The following RASA4B variants were observed in gnomAD, a reference collection of about 807,000 sequenced individuals.
The protein encoded by RASA4B is RAS p21 protein activator 4B.
RASA4B carries 2 observed loss-of-function variants against 24.2 expected under a neutral mutation model. The ratio of observed to expected loss-of-function variants is 0.08; its 90% confidence interval spans 0.03 to 0.26. The LOEUF (loss-of-function observed/expected upper bound fraction) is 0.26. Ranked by LOEUF, RASA4B falls within the 10% of genes least tolerant of loss-of-function variation. RASA4B has a pLI of 1.00. For synonymous variants in RASA4B, 2 were observed against 125.6 expected, an observed-to-expected ratio of 0.02 and a Z score of 6.58; for missense variants, 8 against 277.2, an observed-to-expected ratio of 0.03 and a Z score of 6.90.
At chr7:102,504,737 C>T (rs1289832755) in intron 5 of RASA4B, among the ~76,000 whole-genome samples, 9 of 138,824 alleles carry the variant, frequency 6.5e-5, no homozygotes, top group South Asian at 4.5e-4. Context: ...CAGTGGCTCA[C>T]GCCTGTAATC....
rs181364081 is a variant in RASA4B, at chr7:102,480,246, G to A, written c.*3346C>T. Among the ~76,000 whole-genome samples the A allele has an allele frequency of 1.4e-4, 22 of 152,292 alleles. No individual in the cohort carries two copies. The highest frequency in any genetic ancestry group is 4.3e-4 in the African/African-American group (18 of 41,582). Reference sequence around the variant, plus strand: ...GTCAAGGAAAAACACCCGCTACTTAGCAGACCAGGAAAGGGAGTGTACAGT... The same window carrying A: ...GTCAAGGAAAAACACCCGCTACTTAACAGACCAGGAAAGGGAGTGTACAGT... On this transcript the variant is annotated 3_prime_UTR_variant, in exon 21 of 21. Coordinates refer to ENST00000465829, the MANE Select transcript of RASA4B (RefSeq NM_001367767.2).
At chr7:102,513,049 G>A (rs1371603877) in intron 1 of RASA4B, among the ~76,000 whole-genome samples, 3 of 152,148 alleles carry the variant, frequency 2.0e-5, no homozygotes, top group South Asian at 4.2e-4. Flanking sequence ...CCCCAGGCAA[G>A]CTCCTGGGAC....
intron 18 of RASA4B, among the ~76,000 whole-genome samples, chr7:102,487,482 A>G (rs1798762966): frequency 4.8e-5 from 1 of 20,998 alleles, no homozygotes; most frequent in African/African-American, 8.5e-5. Context: ...GATGGCCAGC[A>G]TTGGAGTGTG....
intron 4 of RASA4B, among the ~76,000 whole-genome samples, chr7:102,507,392 A>ACAGAT (rs1799557716): frequency 1.4e-5 from 1 of 70,014 alleles, no homozygotes. Flanking sequence ...CCATCTTAAA[A>ACAGAT]CGGGAAGAGA....
At chr7:102,513,120 C>T (rs1799761527) in intron 1 of RASA4B, among the ~76,000 whole-genome samples, 1 of 149,636 alleles carries the variant, frequency 6.7e-6, no homozygotes, top group Non-Finnish European at 1.5e-5. Flanking sequence ...CTCCTGCTCT[C>T]CCCAACACTG....
intron 16 of RASA4B, among the ~76,000 whole-genome samples, chr7:102,491,711 G>A (rs1798952270): frequency 1.2e-5 from 1 of 81,252 alleles, no homozygotes; most frequent in Non-Finnish European, 3.2e-5. Context: ...AGGTTGCGGT[G>A]AGCCAAGATC....
Position 102,482,077 on chromosome 7 carries a change from C to T in RASA4B, c.*1515G>A, listed in dbSNP as rs1798618155. On this transcript the variant is annotated 3_prime_UTR_variant, in exon 21 of 21. Coordinates refer to ENST00000465829, the MANE Select transcript of RASA4B (RefSeq NM_001367767.2). ...AGGTTGGCTGAGCCAGGTCTGGGGG[C>T]CTCAGGGACTTCTGTGTCCTCATAA... 6.7e-6 allele frequency among the ~76,000 whole-genome samples: 1 copy of T among 150,304 alleles called. No individual in the cohort carries two copies. The highest frequency in any genetic ancestry group is 2.4e-5 in the African/African-American group (1 of 41,150).
intron 8 of RASA4B, among the ~76,000 whole-genome samples, chr7:102,498,182 C>T (rs1352207937): frequency 1.6e-3 from 224 of 139,700 alleles, no homozygotes; most frequent in African/African-American, 5.3e-3. Flanking sequence ...TACAGGCATG[C>T]GCCACCATAC....
chr7:102,497,182 C>G (rs1162538056), intron 8 of RASA4B, among the ~76,000 whole-genome samples: 2 of 150,438 alleles, frequency 1.3e-5, no homozygotes, highest in Non-Finnish European at 3.0e-5. Context: ...CTCAAGGCAC[C>G]TCTATCTGTC....
At chr7:102,489,882 G>C (rs1279331357) in intron 17 of RASA4B, among the ~76,000 whole-genome samples, 41 of 122,624 alleles carry the variant, frequency 3.3e-4, no homozygotes, top group African/African-American at 1.2e-3. Context: ...CCAACTCCTG[G>C]GTTCAGGCTA....
At chr7:102,497,853 C>T (rs1330569432) in intron 8 of RASA4B, among the ~76,000 whole-genome samples, 2 of 90,672 alleles carry the variant, frequency 2.2e-5, no homozygotes, top group Non-Finnish European at 4.6e-5. Flanking sequence ...TATGGAAACA[C>T]CTTGTGCTGG....
At chr7:102,498,541 G>A (rs1429611653) in intron 8 of RASA4B, among the ~76,000 whole-genome samples, 1 of 144,298 alleles carries the variant, frequency 6.9e-6, no homozygotes, top group African/African-American at 2.5e-5. Flanking sequence ...TTACAGGCAT[G>A]AGCCACCGCA....
At chr7:102,498,591 C>T (rs1215336478) in intron 8 of RASA4B, among the ~76,000 whole-genome samples, 22 of 141,794 alleles carry the variant, frequency 1.6e-4, no homozygotes, top group African/African-American at 3.1e-4. Context: ...CTCTTGTCAC[C>T]GAGGCTGGAG....
intron 17 of RASA4B, chr7:102,489,385 A>G (rs1401244298): frequency 3.1e-6 from 1 of 321,778 alleles, no homozygotes; most frequent in African/African-American, 2.5e-5. Context: ...TACTTGTCCC[A>G]CATGTCCCTG....
intron 5 of RASA4B, among the ~76,000 whole-genome samples, chr7:102,506,319 C>T (rs1364276014): frequency 6.6e-6 from 1 of 152,238 alleles, no homozygotes; most frequent in Non-Finnish European, 1.5e-5. Flanking sequence ...GGCGCCATCT[C>T]GGCTCACTGC....
At chr7:102,513,103 G>T (rs1346467677) in intron 1 of RASA4B, among the ~76,000 whole-genome samples, 1 of 151,550 alleles carries the variant, frequency 6.6e-6, no homozygotes, top group African/African-American at 2.4e-5. Context: ...TCTCCCTGGA[G>T]CCTTTGCTCC....
chr7:102,489,555 C>T (rs546859554), intron 17 of RASA4B, among the ~76,000 whole-genome samples: 9 of 145,150 alleles, frequency 6.2e-5, no homozygotes, highest in Non-Finnish European at 1.4e-4. Flanking sequence ...TGCAGTGGCT[C>T]GATCTCAGCT....
At chr7:102,484,803 AGG>A (rs1798652380) in intron 19 of RASA4B, among the ~76,000 whole-genome samples, 1 of 148,444 alleles carries the variant, frequency 6.7e-6, no homozygotes, top group Non-Finnish European at 1.5e-5. Flanking sequence ...CCAAGGGCCC[AGG>A]GGAACAGCTG....
rs1308174233 is a variant in RASA4B at position 102,480,071 on chromosome 7, G to T, written c.*3521C>A. Among the ~76,000 whole-genome samples the T allele has an allele frequency of 6.6e-6, 1 of 152,052 alleles. No homozygotes were observed. The highest frequency in any genetic ancestry group is 1.9e-4 in the East Asian group (1 of 5,200). On this transcript the variant is annotated 3_prime_UTR_variant, in exon 21 of 21. Transcript: ENST00000465829. ...AGGCCATACAGAGATAGGAGCTGAG[G>T]GGACAATGAGGAGTGACCAGAAGAC...
Sources: allele counts gnomAD v4.1 joint callset (sites outside exome capture counted in the v4.1 genomes callset), GRCh38; gene constraint gnomAD v4.1.1; transcripts MANE v1.5; gene names NCBI Gene and HGNC (gene_info 2026-07-23, HGNC 2026-07-21).